Variants in ELOA observed in about 807,000 individuals in gnomAD.
The protein encoded by ELOA is elongin-A.
ELOA carries 15 observed loss-of-function variants against 85.2 expected under a neutral mutation model. The ratio of observed to expected loss-of-function variants is 0.18; its 90% CI spans 0.12 to 0.27. The LOEUF (loss-of-function observed/expected upper bound fraction) is 0.27, where lower values mean the gene tolerates loss of function less well. Among genes scored for constraint, ELOA ranks in the 10% least tolerant of loss-of-function variants. The pLI, the probability that ELOA is intolerant of heterozygous loss-of-function variation, is 1.00. For missense variants in ELOA, 769 were observed against 952.7 expected, an observed-to-expected ratio of 0.81 and a Z score of 2.54; for synonymous variants, 348 against 357.2, an observed-to-expected ratio of 0.97 and a Z score of 0.29.
intron 8 of ELOA, 99 bp from the exon 9 acceptor site, chr1:23,756,175 C>G: frequency 7.0e-7 from 1 of 1,423,656 alleles, no homozygotes; most frequent in Non-Finnish European, 9.4e-7. Context: ...TTCTACCCTA[C>G]AAGTGGGGTT....
rs376376134 is a variant in ELOA at position 23,756,083 on chromosome 1, G to A, written c.1972+60G>A. ...AGGATGAGTGTTCTGGTCAATAGCA[G>A]GGTGTTGGTGGGCTTGGCTGGTGTA... is the stretch of plus-strand genomic sequence containing the variant. On this transcript the variant is annotated intron_variant, in intron 8 of 10. Coordinates refer to ENST00000613537, the MANE Select transcript of ELOA (RefSeq NM_003198.3). 25 of 1,573,630 alleles carry A rather than the reference G, an allele frequency of 1.6e-5. No homozygotes were observed. The East Asian group carries it at 2.5e-4, about 16-fold the overall frequency.
At position 23,759,667 on chromosome 1, in the gene ELOA, T is replaced by C. The variant is rs573900508; in HGVS notation, c.*94T>C. ...GGAATTCTACAGGAGACTGGAGTCT[T>C]GCTTTGTGGATCCTTTTGGTCTCCG... On this transcript the variant is annotated 3_prime_UTR_variant, in exon 11 of 11. Coordinates refer to ENST00000613537, the MANE Select transcript of ELOA (RefSeq NM_003198.3). 2.2e-4 allele frequency: 315 copies of C among 1,448,178 alleles called. No homozygotes were observed. The South Asian group carries it at 3.2e-3, about 15-fold the overall frequency. The allele number at this position is 1,448,178 out of a possible 1,614,324, so 89.7% of individuals were successfully genotyped here. A position where few individuals can be genotyped will look rare whatever the true frequency, so the allele number is the denominator to read the frequency against.
intron 10 of ELOA, among the ~76,000 whole-genome samples, chr1:23,758,519 C>T (rs924298588): frequency 6.0e-5 from 9 of 149,114 alleles, no homozygotes; most frequent in African/African-American, 1.7e-4. Flanking sequence ...GTGATTCGCC[C>T]GCCTCAGCCT....
chr1:23,748,890 ATTAC>A (rs1259236072), intron 1 of ELOA, 127 bp from the exon 2 acceptor site: 25 of 649,966 alleles, frequency 3.8e-5, no homozygotes, highest in Admixed American at 3.8e-4. Context: ...AAATAGGGAT[ATTAC>A]TTACTACTGT....
At chr1:23,747,410 G>A (rs768195616) in intron 1 of ELOA, among the ~76,000 whole-genome samples, 1 of 152,156 alleles carries the variant, frequency 6.6e-6, no homozygotes, top group Non-Finnish European at 1.5e-5. Context: ...CAAATGGGGA[G>A]AATAACATCC....
Position 23,756,303 on chromosome 1 carries a change from T to C in ELOA, c.2002T>C (p.Ser668Pro), listed in dbSNP as rs1243426490. The change falls in exon 9 of 11, where the codon TCT becomes CCT. Residue 668 changes from serine (S) to proline (P), a missense_variant. By Grantham distance (74) the Ser-to-Pro change is moderately conservative. Coordinates refer to ENST00000613537, the MANE Select transcript of ELOA (RefSeq NM_003198.3). ...GRQAKMAFVN[S>P]VAKPPRDVRR... ...ACAAGCAAAGATGGCCTTTGTCAAC[T>C]CTGTGGCCAAGCCACCTCGTGACGT... The C allele has an allele frequency of 6.4e-7, 1 of 1,571,944 alleles. No homozygotes were observed. Among genetic ancestry groups the C allele is most frequent in the Non-Finnish European group, 8.6e-7 (1 of 1,158,314 alleles).
intron 7 of ELOA, among the ~76,000 whole-genome samples, chr1:23,754,712 T>C (rs2148387561): frequency 6.6e-6 from 1 of 152,268 alleles, no homozygotes; most frequent in African/African-American, 2.4e-5. Flanking sequence ...AACATCTCCC[T>C]TGAGCTTGCC....
chr1:23,746,233 A>G (rs1371407962), intron 1 of ELOA, among the ~76,000 whole-genome samples: 1 of 150,424 alleles, frequency 6.6e-6, no homozygotes, highest in Admixed American at 6.7e-5. Context: ...GGTTGCAGCG[A>G]GCTGAGATCG....
chr1:23,746,064 A>G (rs1644744558), intron 1 of ELOA, among the ~76,000 whole-genome samples: 1 of 151,726 alleles, frequency 6.6e-6, no homozygotes, highest in Non-Finnish European at 1.5e-5. Context: ...CGAGGTGAGT[A>G]GATCACCTGA....
chr1:23,760,028 G>C lies in ELOA; in HGVS notation c.*455G>C, dbSNP rs1042134021. 5.3e-6 allele frequency: 1 copy of C among 187,112 alleles called. No individual in the cohort carries two copies. Among genetic ancestry groups the C allele is most frequent in the African/African-American group, 2.4e-5 (1 of 41,938 alleles). The allele number at this position is 187,112 out of a possible 1,614,324, so 11.6% of individuals were successfully genotyped here. A position where few individuals can be genotyped will look rare whatever the true frequency, so the allele number is the denominator to read the frequency against. On this transcript the variant is annotated 3_prime_UTR_variant, in exon 11 of 11. Coordinates refer to ENST00000613537, the MANE Select transcript of ELOA (RefSeq NM_003198.3). ...CAGTCTCCTGCCCCAGCTCAGCTCT[G>C]TGTGGACTCTGGTCCAGACAGAGGA...
chr1:23,747,995 G>C (rs1644753934), intron 1 of ELOA, among the ~76,000 whole-genome samples: 1 of 152,164 alleles, frequency 6.6e-6, no homozygotes, highest in South Asian at 2.1e-4. Flanking sequence ...TCCTTGTATG[G>C]TAAGTATGTT....
Position 23,751,471 on chromosome 1 carries a change from C to G in ELOA, c.866C>G (p.Ala289Gly), listed in dbSNP as rs942220421. 1.6e-5 allele frequency: 26 copies of G among 1,614,028 alleles called. No homozygotes were observed. The highest frequency in any genetic ancestry group is 2.2e-5 in the Non-Finnish European group (26 of 1,180,026). ...CGAAGGCCACCCTCAGGGGACAATG[C>G]AAGGGAGAAACCGCCCTCTAGTGGC... is the stretch of plus-strand genomic sequence containing the variant. ...ENRRPPSGDNAREKPPSSGVK... is the reference protein window; with the variant it reads ...ENRRPPSGDNGREKPPSSGVK... Residue 289 changes from alanine to glycine, a missense_variant, in exon 4 of 11, where the codon GCA (alanine) becomes GGA (glycine). By Grantham distance (60) the Ala-to-Gly change is moderately conservative. Coordinates refer to ENST00000613537, the MANE Select transcript of ELOA (RefSeq NM_003198.3).
At position 23,746,631 on chromosome 1, in the gene ELOA, AG is replaced by A. The variant is rs199953191; in HGVS notation, c.76-2388del. On this transcript the variant is annotated intron_variant, in intron 1 of 10. Transcript: ENST00000613537. The stretch of plus-strand genomic sequence containing the variant: ...TCCAAAAAAAAAAAAAAAAAAAAAA[AG>A]GATCCTCGTCCTGTGTTACATTTTC... Among the ~76,000 whole-genome samples, 990 of 140,060 alleles carry A rather than the reference AG, an allele frequency of 7.1e-3. 11 individuals are homozygous for A. Among genetic ancestry groups the A allele is most frequent in the African/African-American group, 0.024 (834 of 34,330 alleles). 91.9% of individuals were successfully genotyped at this position (140,060 alleles called of 152,430 possible).
At chr1:23,755,631 A>G (rs774564643) in intron 7 of ELOA, among the ~76,000 whole-genome samples, 2 of 151,940 alleles carry the variant, frequency 1.3e-5, no homozygotes, top group Non-Finnish European at 2.9e-5. Flanking sequence ...AAAATATAAA[A>G]TAGCTGGGCG....
At chr1:23,746,840 A>G (rs1248154914) in intron 1 of ELOA, among the ~76,000 whole-genome samples, 1 of 152,170 alleles carries the variant, frequency 6.6e-6, no homozygotes, top group Non-Finnish European at 1.5e-5. Flanking sequence ...ATCTTGTTTG[A>G]TAACAGCAAG....
intron 10 of ELOA, 132 bp downstream of exon 10, chr1:23,757,257 G>A (rs184208025): frequency 2.0e-6 from 2 of 980,132 alleles, no homozygotes; most frequent in Admixed American, 3.5e-5. Flanking sequence ...TAGCTGGTCT[G>A]AATGTCAGTC....
rs1638263707 is a variant in ELOA at position 23,759,529 on chromosome 1, G to A, written c.2275G>A (p.Ala759Thr). ...TTTCACAGAAATTGCCCCAATGATG[G>A]CCAAGACAATTAAAGCTTTCAAGAA... Reference protein sequence around the residue: ...PTVKKIAPMMAKTIKAFKNRF... With the variant: ...PTVKKIAPMMTKTIKAFKNRF... The change falls in exon 11 of 11, where the codon GCC becomes ACC. Residue 759 changes from alanine to threonine, a missense_variant. Around this residue, in one of 4 missense-constraint regions of ELOA, gnomAD observed 116 missense variants for 141.0 expected, o/e 0.82. Transcript: ENST00000613537. The A allele has an allele frequency of 6.2e-7, 1 of 1,614,226 alleles. No homozygotes were observed. The highest frequency in any genetic ancestry group is 8.5e-7 in the Non-Finnish European group (1 of 1,180,038).
At chr1:23,746,483 T>A (rs1298980337) in intron 1 of ELOA, among the ~76,000 whole-genome samples, 7 of 151,010 alleles carry the variant, frequency 4.6e-5, no homozygotes. Context: ...TGGTGGTGCC[T>A]GTAATCCCAG....
In ELOA at chr1:23,759,855, A is replaced by G. The variant is rs1263674388; in HGVS notation, c.*282A>G. On this transcript the variant is annotated 3_prime_UTR_variant, in exon 11 of 11. Transcript: ENST00000613537. Reference sequence around the variant, plus strand: ...TTGTTCATTAGCATCTTTGTAAACTATAAGACGTAGTTTTAATTAATAAAT... The same window carrying G: ...TTGTTCATTAGCATCTTTGTAAACTGTAAGACGTAGTTTTAATTAATAAAT... 7.5e-6 allele frequency: 3 copies of G among 401,946 alleles called. No individual in the cohort carries two copies. The highest frequency in any genetic ancestry group is 4.5e-6 in the Non-Finnish European group (1 of 221,890). 24.9% of individuals were successfully genotyped at this position (401,946 alleles called of 1,614,324 possible).
Sources: allele counts gnomAD v4.1 joint callset (sites outside exome capture counted in the v4.1 genomes callset), GRCh38; gene constraint gnomAD v4.1.1; regional missense constraint gnomAD v4.1.1; transcripts MANE v1.5; gene names NCBI Gene and HGNC (gene_info 2026-07-23, HGNC 2026-07-21).